DACH2: variants seen among roughly 807,000 people sequenced by gnomAD.
DACH2 encodes the protein dachshund family transcription factor 2.
DACH2 carries 17 observed loss-of-function variants against 35.8 expected under a neutral mutation model. The ratio of observed to expected loss-of-function variants is 0.48; its 90% confidence interval spans 0.33 to 0.71. The LOEUF (loss-of-function observed/expected upper bound fraction) is 0.71. Ranked by LOEUF, DACH2 falls within the 30% of genes least tolerant of loss-of-function variation. The pLI, the probability that DACH2 is intolerant of heterozygous loss-of-function variation, is 0.02. For missense variants in DACH2, 469 were observed against 472.7 expected (o/e 0.99, Z 0.07); for synonymous variants, 195 against 177.3 (o/e 1.10, Z -0.79).
chrX:86,665,996 C>CT (rs1331358303), intron 4 of DACH2, among the ~76,000 whole-genome samples: 2 of 111,104 alleles, frequency 1.8e-5, no homozygotes. Context: ...TTAATTTACA[C>CT]TTTTTTATTT....
At chrX:86,413,511 T>C (rs901387089) in intron 2 of DACH2, among the ~76,000 whole-genome samples, 1 of 112,121 alleles carries the variant, frequency 8.9e-6, no homozygotes, top group Non-Finnish European at 1.9e-5. Flanking sequence ...TCCACTGTCA[T>C]TCTCCAATAT....
chrX:86,301,912 C>T (rs6617218), intron 1 of DACH2, among the ~76,000 whole-genome samples: 1,138 of 111,112 alleles, frequency 0.01, 11 homozygotes, highest in African/African-American at 0.034. Context: ...TTATATTCTT[C>T]CCACCTCTTT....
intron 2 of DACH2, among the ~76,000 whole-genome samples, chrX:86,499,383 A>G (rs1265503538): frequency 8.9e-6 from 1 of 111,739 alleles, no homozygotes; most frequent in African/African-American, 3.3e-5. Context: ...AAGACAGGAA[A>G]AACTGATCAG....
intron 1 of DACH2, among the ~76,000 whole-genome samples, chrX:86,285,634 T>C (rs1215241812): frequency 2.7e-5 from 3 of 112,013 alleles, no homozygotes; most frequent in African/African-American, 9.7e-5. Flanking sequence ...ATGTGCATTC[T>C]GCAGCAGTAG....
chrX:86,168,648 C>A (rs989272859), intron 1 of DACH2, among the ~76,000 whole-genome samples: 4 of 105,413 alleles, frequency 3.8e-5, no homozygotes, highest in Middle Eastern at 9.8e-3. Context: ...CAGTTTTTTG[C>A]TTTTTATTTT....
intron 2 of DACH2, among the ~76,000 whole-genome samples, chrX:86,438,927 T>C (rs1344867410): frequency 2.7e-5 from 3 of 112,518 alleles, no homozygotes; most frequent in African/African-American, 9.7e-5. Flanking sequence ...ATTGTGGTTT[T>C]GATTTGCATC....
At chrX:86,431,537 G>A (rs2036985025) in intron 2 of DACH2, among the ~76,000 whole-genome samples, 1 of 111,396 alleles carries the variant, frequency 9.0e-6, no homozygotes, top group Non-Finnish European at 1.9e-5. Flanking sequence ...GTGTTGATTG[G>A]CATAAGAAGT....
chrX:86,436,427 C>T (rs2037069473), intron 2 of DACH2, among the ~76,000 whole-genome samples: 1 of 108,996 alleles, frequency 9.2e-6, no homozygotes, highest in African/African-American at 3.3e-5. Context: ...ATGAATAGAA[C>T]AAACATAGTT....
intron 2 of DACH2, among the ~76,000 whole-genome samples, chrX:86,512,009 A>G (rs2038403800): frequency 1.8e-5 from 2 of 112,313 alleles, no homozygotes; most frequent in Non-Finnish European, 3.8e-5. Context: ...ACAAGCAGTG[A>G]AAGATTGTTT....
chrX:86,650,279 C>G (rs889303910), intron 3 of DACH2, among the ~76,000 whole-genome samples: 3 of 110,964 alleles, frequency 2.7e-5, no homozygotes, highest in Non-Finnish European at 5.7e-5. Flanking sequence ...CAGACGCTGG[C>G]TATATAGGTA....
At chrX:86,428,983 A>G (rs2036938899) in intron 2 of DACH2, among the ~76,000 whole-genome samples, 1 of 111,416 alleles carries the variant, frequency 9.0e-6, no homozygotes, top group Non-Finnish European at 1.9e-5. Flanking sequence ...AATGAAGGGT[A>G]AATTGGAGAC....
chrX:86,403,751 A>T (rs184788150), intron 2 of DACH2, among the ~76,000 whole-genome samples: 32 of 112,085 alleles, frequency 2.9e-4, no homozygotes, highest in Non-Finnish European at 5.6e-4. Flanking sequence ...ACTTGTTCAT[A>T]GTAATACTAT....
chrX:86,514,050 T>G (rs2148270218), intron 2 of DACH2, among the ~76,000 whole-genome samples: 1 of 111,808 alleles, frequency 8.9e-6, no homozygotes, highest in Non-Finnish European at 1.9e-5. Context: ...AAATGGAATC[T>G]AAACTAAAAT....
intron 1 of DACH2, among the ~76,000 whole-genome samples, chrX:86,200,092 C>A (rs1462361970): frequency 9.0e-6 from 1 of 111,147 alleles, no homozygotes; most frequent in Non-Finnish European, 1.9e-5. Flanking sequence ...GGTATAAGAA[C>A]AGACACATGG....
intron 3 of DACH2, among the ~76,000 whole-genome samples, chrX:86,583,789 G>A (rs1335649381): frequency 9.1e-6 from 1 of 109,920 alleles, no homozygotes; most frequent in African/African-American, 3.3e-5. Flanking sequence ...GTGAGTGTGT[G>A]TGTGTGTATG....
At chrX:86,229,903 T>C (rs1372478790) in intron 1 of DACH2, among the ~76,000 whole-genome samples, 4 of 110,863 alleles carry the variant, frequency 3.6e-5, no homozygotes, top group Middle Eastern at 4.6e-3. Flanking sequence ...AACAATCATA[T>C]TGTCAGCAAA....
intron 1 of DACH2, among the ~76,000 whole-genome samples, chrX:86,190,766 G>A (rs1253602766): frequency 9.0e-6 from 1 of 110,903 alleles, no homozygotes; most frequent in Non-Finnish European, 1.9e-5. Context: ...CCAACATGGA[G>A]AAACCCCATC....
At chrX:86,395,235 C>A (rs2148122588) in intron 2 of DACH2, among the ~76,000 whole-genome samples, 1 of 111,484 alleles carries the variant, frequency 9.0e-6, no homozygotes, top group African/African-American at 3.3e-5. Flanking sequence ...TTCTTCTAAG[C>A]AATTTCACTC....
intron 3 of DACH2, among the ~76,000 whole-genome samples, chrX:86,624,611 G>A (rs1179195734): frequency 9.0e-6 from 1 of 111,715 alleles, no homozygotes; most frequent in Admixed American, 9.5e-5. Flanking sequence ...AGTCTTTCAG[G>A]AAACACAGTC....
Sources: gnomAD v4.1 joint callset for allele counts (sites outside exome capture counted in the v4.1 genomes callset) on GRCh38, gnomAD v4.1.1 for gene constraint, MANE v1.5 for transcripts, NCBI Gene and HGNC (gene_info 2026-07-23, HGNC 2026-07-21) for gene names.